Variants in ZC3H4 observed in about 807,000 individuals in gnomAD.
ZC3H4 encodes the protein zinc finger CCCH-type containing 4.
A neutral mutation model predicts 108.3 loss-of-function variants in ZC3H4; 13 were observed. The ratio of observed to expected loss-of-function variants is 0.12; its 90% CI spans 0.08 to 0.19. The LOEUF is 0.19. Among genes scored for constraint, ZC3H4 ranks in the 10% least tolerant of loss-of-function variants. The pLI is 1.00. For missense variants in ZC3H4, 1,734 were observed against 1,838.8 expected (o/e 0.94, Z 1.04); for synonymous variants, 917 against 749.6 (o/e 1.22, Z -3.65).
Position 47,085,203 on chromosome 19 carries a change from G to A in ZC3H4, c.968-8C>T, listed in dbSNP as rs896485419. 13 of 1,597,442 alleles carry A rather than the reference G, an allele frequency of 8.1e-6. No individual in the cohort carries two copies. Among genetic ancestry groups the A allele is most frequent in the African/African-American group, 1.3e-5 (1 of 74,384 alleles). ...CACGGCCTCGACTTAGCCCTGTGGAGGGGAGATTGTGTGAAGACCTGCTGA... is the reference window on the plus strand; with the variant it reads ...CACGGCCTCGACTTAGCCCTGTGGAAGGGAGATTGTGTGAAGACCTGCTGA... On this transcript the variant is annotated splice_polypyrimidine_tract_variant and splice_region_variant and intron_variant, in intron 7 of 14. Transcript: ENST00000253048.
At chr19:47,100,221 T>C (rs915331671) in intron 2 of ZC3H4, among the ~76,000 whole-genome samples, 11 of 152,286 alleles carry the variant, frequency 7.2e-5, no homozygotes, top group Admixed American at 2.6e-4. Context: ...AGTTAGGACG[T>C]AATGAAGCAG....
At chr19:47,086,043 A>AT (rs1487197477) in intron 6 of ZC3H4, among the ~76,000 whole-genome samples, 1 of 151,708 alleles carries the variant, frequency 6.6e-6, no homozygotes, top group Non-Finnish European at 1.5e-5. Context: ...AATTTTTTGT[A>AT]TTTTTAGTAG....
intron 5 of ZC3H4, 112 bp downstream of exon 5, chr19:47,089,855 C>A: frequency 7.3e-6 from 8 of 1,098,488 alleles, no homozygotes; most frequent in Non-Finnish European, 7.9e-6. Context: ...CTTCTTTGTA[C>A]ACTTATCCCA....
In ZC3H4 at chr19:47,067,940, C is replaced by A; in HGVS notation, c.2399-71G>T. The stretch of plus-strand genomic sequence containing the variant: ...CCACCCGCCCTCTTGGATCCCACAG[C>A]AGCCCACCGTGAGCAGCTCCTTTGC... On this transcript the variant is annotated intron_variant, in intron 14 of 14. Coordinates refer to ENST00000253048, the MANE Select transcript of ZC3H4 (RefSeq NM_015168.2). This position sits in a 1 kb window ranked among gnomAD's most constrained non-coding sequence, Gnocchi z 6.4. 7.0e-7 allele frequency: 1 copy of A among 1,428,378 alleles called. No individual in the cohort carries two copies. Among genetic ancestry groups the A allele is most frequent in the South Asian group, 1.2e-5 (1 of 80,960 alleles). 88.5% of individuals were successfully genotyped at this position (1,428,378 alleles called of 1,614,324 possible). A position where few individuals can be genotyped will look rare whatever the true frequency, so the allele number is the denominator to read the frequency against.
At chr19:47,110,771 C>T in intron 2 of ZC3H4, 1 of 455,344 alleles carries the variant, frequency 2.2e-6, no homozygotes, top group Non-Finnish European at 2.9e-6. Context: ...GAGGGCTTAG[C>T]GAACAGACCT....
At position 47,072,899 on chromosome 19, in the gene ZC3H4, G is replaced by A. The variant is rs1392327002; in HGVS notation, c.1441-186C>T. On this transcript the variant is annotated intron_variant, in intron 11 of 14. Coordinates refer to ENST00000253048, the MANE Select transcript of ZC3H4 (RefSeq NM_015168.2). The surrounding 1 kb of genome is among the most constrained non-coding windows in gnomAD (Gnocchi z 5.6). ...TCAGCCACCTCTCTGCTCCACTCTC[G>A]GGGACCAGCTGGTAGAGGGGGGGCC... 1.3e-5 allele frequency among the ~76,000 whole-genome samples: 2 copies of A among 152,078 alleles called. No homozygotes were observed. The highest frequency in any genetic ancestry group is 2.9e-5 in the Non-Finnish European group (2 of 68,018).
intron 11 of ZC3H4, among the ~76,000 whole-genome samples, chr19:47,079,704 T>C (rs2057487378): frequency 6.6e-6 from 1 of 152,180 alleles, no homozygotes; most frequent in Admixed American, 6.6e-5. Context: ...GAGACCAACC[T>C]GGCCAACATG....
intron 2 of ZC3H4, chr19:47,112,086 C>CA (rs2058046637): frequency 2.0e-6 from 2 of 1,018,066 alleles, no homozygotes; most frequent in South Asian, 9.3e-5. Context: ...CAGCACCCCC[C>CA]ACGGCGCCCC....
chr19:47,110,480 T>C (rs77397349), intron 2 of ZC3H4, among the ~76,000 whole-genome samples: 302 of 152,292 alleles, frequency 2.0e-3, no homozygotes, highest in African/African-American at 6.8e-3. Flanking sequence ...ATTGAAAGGA[T>C]GTGCAAGTCT....
intron 5 of ZC3H4, among the ~76,000 whole-genome samples, chr19:47,088,670 A>G (rs1005043823): frequency 9.9e-5 from 15 of 152,204 alleles, no homozygotes; most frequent in Admixed American, 3.3e-4. Context: ...AATAAACAAA[A>G]AAGAGTGATG....
At position 47,086,507 on chromosome 19, in the gene ZC3H4, GC is replaced by G; in HGVS notation, c.746del (p.Gly249AlafsTer62). 1 of 1,601,240 alleles carries G rather than the reference GC, an allele frequency of 6.2e-7. No individual in the cohort carries two copies. ...GSRGRGRGYRGRGSRGGSRGR... is the reference protein window; with the variant it reads ...GSRGRGRGYRXRGSRGGSRGR... ...CTCGCGATCCTCCACGGCTTCCTCGGCCCCTGTAGCCCCGGCCCCGGCCTCG... is the reference window on the plus strand; with the variant it reads ...CTCGCGATCCTCCACGGCTTCCTCGGCCCTGTAGCCCCGGCCCCGGCCTCG... On this transcript the variant is annotated frameshift_variant, in exon 6 of 15. Transcript: ENST00000253048. LOFTEE classifies it high-confidence loss of function.
chr19:47,112,846 C>A (rs936963090), intron 1 of ZC3H4, among the ~76,000 whole-genome samples: 2 of 152,096 alleles, frequency 1.3e-5, no homozygotes, highest in Non-Finnish European at 2.9e-5. Context: ...AGAGCCCCCC[C>A]CCCACGCACC....
At chr19:47,106,027 C>T (rs2057963987) in intron 2 of ZC3H4, among the ~76,000 whole-genome samples, 3 of 152,192 alleles carry the variant, frequency 2.0e-5, no homozygotes, top group Admixed American at 2.0e-4. Flanking sequence ...GACTTCACCT[C>T]TCTGTTTTGG....
intron 6 of ZC3H4, among the ~76,000 whole-genome samples, chr19:47,086,177 C>G (rs993825980): frequency 2.6e-5 from 4 of 152,270 alleles, no homozygotes; most frequent in South Asian, 4.1e-4. Flanking sequence ...GATACCTTTT[C>G]TACTTTAAAC....
In ZC3H4 at chr19:47,069,247, G is replaced by T; in HGVS notation, c.2243C>A (p.Pro748His). 1 of 1,613,800 alleles carries T rather than the reference G, an allele frequency of 6.2e-7. No homozygotes were observed. The highest frequency in any genetic ancestry group is 8.5e-7 in the Non-Finnish European group (1 of 1,179,940). ...GGCGCCTGGCTTCGGCCGGCCTGGG[G>T]GCCCTCCCTCAGAGAAGCTGTCGGG... ...LEPDSFSEGG[P>H]PGRPKPGAGV... is the part of the protein sequence containing the mutation. Residue 748 changes from proline to histidine, a missense_variant, in exon 14 of 15, where the codon CCC becomes CAC. Physicochemically the swap from Pro to His is moderately conservative, Grantham distance 77. This residue lies in a region of ZC3H4 where 540 missense variants were observed against 484.1 expected (regional missense o/e 1.12). Coordinates refer to ENST00000253048, the MANE Select transcript of ZC3H4 (RefSeq NM_015168.2).
chr19:47,066,687 G>A lies in ZC3H4; in HGVS notation c.3581C>T (p.Ser1194Phe), dbSNP rs374153555. 10 of 1,610,774 alleles carry A rather than the reference G, an allele frequency of 6.2e-6. No homozygotes were observed. The highest frequency in any genetic ancestry group is 1.3e-5 in the African/African-American group (1 of 74,944). The change falls in exon 15 of 15, where the codon TCT becomes TTT. Residue 1194 changes from serine to phenylalanine, a missense_variant. By Grantham distance (155) the Ser-to-Phe change is radical. Around this residue, in one of 9 missense-constraint regions of ZC3H4, gnomAD observed 518 missense variants for 499.6 expected, o/e 1.04. Coordinates refer to ENST00000253048, the MANE Select transcript of ZC3H4 (RefSeq NM_015168.2). ...KAKEPPFVRK[S>F]ALEQPETGKA... ...CCCTGTCTCTGGCTGTTCCAGGGCA[G>A]ACTTGCGGACGAACGGGGGCTCCTT...
chr19:47,084,849 A>C (rs1236110016), intron 8 of ZC3H4, among the ~76,000 whole-genome samples: 1 of 152,154 alleles, frequency 6.6e-6, no homozygotes, highest in Admixed American at 6.5e-5. Context: ...GCTGCTAATG[A>C]CATGGTTTTA....
chr19:47,090,238 G>A, intron 4 of ZC3H4, 49 bp from the exon 5 acceptor site: 1 of 1,602,672 alleles, frequency 6.2e-7, no homozygotes, highest in Non-Finnish European at 8.5e-7. Flanking sequence ...CCACAGCCGT[G>A]GGTGCAGACT....
chr19:47,069,175 C>T lies in ZC3H4; in HGVS notation c.2315G>A (p.Arg772Lys), dbSNP rs771929466. The change falls in exon 14 of 15, where the codon AGG (arginine) becomes AAG (lysine). Residue 772 changes from arginine (R) to lysine (K), a missense_variant. Transcript: ENST00000253048. Reference sequence around the variant, plus strand: ...CTCCTCCTGCTGCTTCTGCTGGATCCTCAGGTACAGGGCCCTCTGGGCTGA... The same window carrying T: ...CTCCTCCTGCTGCTTCTGCTGGATCTTCAGGTACAGGGCCCTCTGGGCTGA... The part of the protein sequence containing the change: ...LPSAQRALYL[R>K]IQQKQQEEEE... The T allele has an allele frequency of 5.6e-6, 9 of 1,610,072 alleles. No individual in the cohort carries two copies. The Admixed American group carries it at 1.5e-4, about 27-fold the overall frequency.
Sources: allele counts gnomAD v4.1 joint callset (sites outside exome capture counted in the v4.1 genomes callset), GRCh38; gene constraint gnomAD v4.1.1; regional missense constraint gnomAD v4.1.1; non-coding constraint Gnocchi (gnomAD v3.1); transcripts MANE v1.5; gene names NCBI Gene and HGNC (gene_info 2026-07-23, HGNC 2026-07-21).